Variants in NRXN3 observed in about 807,000 individuals in gnomAD.
The protein encoded by NRXN3 is neurexin 3, also known as neurexin III.
In NRXN3, 32 loss-of-function variants were observed where a neutral mutation model predicts 137.6. The ratio of observed to expected loss-of-function variants is 0.23; its 90% CI spans 0.18 to 0.31. The LOEUF (loss-of-function observed/expected upper bound fraction) is 0.31, where lower values mean the gene tolerates loss of function less well. Among genes scored for constraint, NRXN3 ranks in the 10% least tolerant of loss-of-function variants. The pLI is 1.00. For missense variants in NRXN3, 1,574 were observed against 2,062.5 expected (o/e 0.76, Z 4.59); for synonymous variants, 798 against 784.5 (o/e 1.02, Z -0.29).
chr14:79,622,493 G>T (rs2098235023), intron 16 of NRXN3, among the ~76,000 whole-genome samples: 3 of 152,116 alleles, frequency 2.0e-5, no homozygotes. Flanking sequence ...GTCAATGAAA[G>T]GTTAAATGAG....
chr14:79,392,361 A>G (rs1037174927), intron 15 of NRXN3, among the ~76,000 whole-genome samples: 13 of 152,306 alleles, frequency 8.5e-5, no homozygotes, highest in Admixed American at 5.9e-4. Context: ...TCCATGGTGT[A>G]TATACCACAT....
chr14:79,115,137 C>T (rs562195035), intron 15 of NRXN3, among the ~76,000 whole-genome samples: 1 of 152,044 alleles, frequency 6.6e-6, no homozygotes, highest in South Asian at 2.1e-4. Context: ...ACCAGCCTGA[C>T]CAACATGGAG....
At chr14:78,569,893 C>T (rs967847112) in intron 4 of NRXN3, among the ~76,000 whole-genome samples, 3 of 152,330 alleles carry the variant, frequency 2.0e-5, no homozygotes, top group African/African-American at 4.8e-5. Flanking sequence ...TACGGGCTTG[C>T]ACCCGGAAAC....
At chr14:78,319,734 A>C (rs11624704) in intron 4 of NRXN3, among the ~76,000 whole-genome samples, 19,284 of 152,020 alleles carry the variant, frequency 0.13, 1,272 homozygotes, top group Middle Eastern at 0.22. Context: ...ATCTCACTTA[A>C]CTTTACTCTG....
intron 19 of NRXN3, among the ~76,000 whole-genome samples, chr14:79,793,907 CT>C (rs1269831828): frequency 2.6e-5 from 4 of 152,156 alleles, no homozygotes; most frequent in African/African-American, 9.7e-5. Context: ...GTCTTTTGTT[CT>C]TATTGGAAGA....
intron 4 of NRXN3, among the ~76,000 whole-genome samples, chr14:78,633,096 A>T (rs545105754): frequency 3.4e-4 from 34 of 100,564 alleles, no homozygotes; most frequent in East Asian, 1.2e-3. Flanking sequence ...ATAAAAAATT[A>T]AAAAAAAAAT....
chr14:79,686,803 A>G (rs928082812), intron 17 of NRXN3, among the ~76,000 whole-genome samples: 2 of 152,154 alleles, frequency 1.3e-5, no homozygotes, highest in African/African-American at 4.8e-5. Context: ...TACAACTTTA[A>G]TTTAGGAAGG....
At chr14:79,234,357 T>TAATATATATATATA (rs2072994057) in intron 15 of NRXN3, among the ~76,000 whole-genome samples, 1 of 130,048 alleles carries the variant, frequency 7.7e-6, no homozygotes, top group African/African-American at 3.0e-5. Flanking sequence ...ATATATATAT[T>TAATATATATATATA]ATATATGTAT....
At chr14:78,784,149 G>A (rs1248671233) in intron 8 of NRXN3, among the ~76,000 whole-genome samples, 1 of 151,694 alleles carries the variant, frequency 6.6e-6, no homozygotes, top group Non-Finnish European at 1.5e-5. Flanking sequence ...TGATGTGATA[G>A]AATATGCTCA....
chr14:79,151,729 G>T (rs1389611951), intron 15 of NRXN3, among the ~76,000 whole-genome samples: 2 of 151,996 alleles, frequency 1.3e-5, no homozygotes, highest in African/African-American at 4.8e-5. Context: ...TTTTGGGGTA[G>T]ATCTAGACAC....
At chr14:78,313,884 C>T (rs1272118996) in intron 4 of NRXN3, among the ~76,000 whole-genome samples, 6 of 152,022 alleles carry the variant, frequency 3.9e-5, no homozygotes, top group South Asian at 4.1e-4. Context: ...GTCTAGCTCT[C>T]GTTATGGTTT....
chr14:78,878,231 A>G (rs543497289), intron 10 of NRXN3, among the ~76,000 whole-genome samples: 1 of 152,314 alleles, frequency 6.6e-6, no homozygotes, highest in East Asian at 1.9e-4. Context: ...AAGTACACTG[A>G]TCTACTTTCC....
intron 10 of NRXN3, among the ~76,000 whole-genome samples, chr14:78,914,417 G>A (rs117397771): frequency 0.014 from 2,113 of 152,264 alleles, 23 homozygotes; most frequent in East Asian, 0.023. Flanking sequence ...TGATAAGTTC[G>A]TTGGGGAGAA....
rs1294656494 is a variant in NRXN3 at position 79,866,284 on chromosome 14, G to C, written c.*4320G>C. On this transcript the variant is annotated 3_prime_UTR_variant, in exon 21 of 21. Transcript: ENST00000335750. Reference sequence around the variant, plus strand: ...ATTGAATATTTACTAAATGATTATGGGATATTAAATTGAGAGCCTTGGGAG... The same window carrying C: ...ATTGAATATTTACTAAATGATTATGCGATATTAAATTGAGAGCCTTGGGAG... 1 of 151,960 alleles carries C rather than the reference G, an allele frequency of 6.6e-6. No individual in the cohort carries two copies. The highest frequency in any genetic ancestry group is 1.5e-5 in the Non-Finnish European group (1 of 68,008). 9.4% of individuals were successfully genotyped at this position (151,960 alleles called of 1,614,324 possible). A position where few individuals can be genotyped will look rare whatever the true frequency, so the allele number is the denominator to read the frequency against.
At chr14:79,330,139 A>T (rs2091472140) in intron 15 of NRXN3, among the ~76,000 whole-genome samples, 1 of 152,120 alleles carries the variant, frequency 6.6e-6, no homozygotes, top group African/African-American at 2.4e-5. Flanking sequence ...CCATCAAAAG[A>T]GATTTTTAGT....
At chr14:78,936,084 T>A (rs190934771) in intron 10 of NRXN3, among the ~76,000 whole-genome samples, 116 of 152,328 alleles carry the variant, frequency 7.6e-4, no homozygotes, top group African/African-American at 2.0e-3. Flanking sequence ...TACAGGACAA[T>A]GTCCAATTCC....
intron 4 of NRXN3, among the ~76,000 whole-genome samples, chr14:78,329,149 T>C (rs1179865616): frequency 6.6e-6 from 1 of 152,082 alleles, no homozygotes; most frequent in Non-Finnish European, 1.5e-5. Flanking sequence ...TTCATAGGAG[T>C]TATAAAAATA....
chr14:79,377,302 A>C (rs141874302), intron 15 of NRXN3, among the ~76,000 whole-genome samples: 1 of 152,224 alleles, frequency 6.6e-6, no homozygotes, highest in South Asian at 2.1e-4. Flanking sequence ...CATGAAGAAG[A>C]AATTTGAGAA....
Position 78,957,364 on chromosome 14 carries a change from G to T in NRXN3, c.2395+3G>T. The T allele has an allele frequency of 6.2e-7, 1 of 1,612,178 alleles. No individual in the cohort carries two copies. Among genetic ancestry groups the T allele is most frequent in the Non-Finnish European group, 8.5e-7 (1 of 1,179,642 alleles). ...CGTGGATGATGATGTGGCTGAGGGTGAGTATGACTATGGTGAAATTCGTCT... is the reference window on the plus strand; with the variant it reads ...CGTGGATGATGATGTGGCTGAGGGTTAGTATGACTATGGTGAAATTCGTCT... On this transcript the variant is annotated splice_donor_region_variant and intron_variant, in intron 11 of 20. Transcript: ENST00000335750.
Sources: allele counts gnomAD v4.1 joint callset (sites outside exome capture counted in the v4.1 genomes callset), GRCh38; gene constraint gnomAD v4.1.1; transcripts MANE v1.5; gene names NCBI Gene and HGNC (gene_info 2026-07-23, HGNC 2026-07-21).